The following TMEM245 variants were observed in gnomAD, a reference collection of about 807,000 sequenced individuals.
The protein encoded by TMEM245 is transmembrane protein 245.
TMEM245 carries 69 observed loss-of-function variants against 101.2 expected under a neutral mutation model. The observed-to-expected ratio is 0.68, with a 90% confidence interval of 0.56 to 0.83. The LOEUF (loss-of-function observed/expected upper bound fraction) is 0.83. TMEM245 is among the 40% of genes least tolerant of loss of function. TMEM245 has a pLI of 0.00. For missense variants in TMEM245, 1,075 were observed against 1,092.8 expected, an observed-to-expected ratio of 0.98 and a Z score of 0.23; for synonymous variants, 537 against 449.8, an observed-to-expected ratio of 1.19 and a Z score of -2.45.
intron 7 of TMEM245, among the ~76,000 whole-genome samples, chr9:109,083,613 A>ACTAACTGGCC (rs1829733424): frequency 6.6e-6 from 1 of 152,148 alleles, no homozygotes; most frequent in Admixed American, 6.5e-5. Context: ...AAACTTCTAC[A>ACTAACTGGCC]CTAACTGGCC....
At chr9:109,058,795 G>A (rs902007764) in intron 11 of TMEM245, among the ~76,000 whole-genome samples, 1 of 151,942 alleles carries the variant, frequency 6.6e-6, no homozygotes, top group African/African-American at 2.4e-5. Context: ...TTGTAGAGAT[G>A]GGGTCTCACT....
chr9:109,086,360 G>C (rs748748231), intron 6 of TMEM245, among the ~76,000 whole-genome samples: 1 of 152,084 alleles, frequency 6.6e-6, no homozygotes, highest in Non-Finnish European at 1.5e-5. Context: ...GTCTACCTAA[G>C]AAACTCCCGC....
intron 2 of TMEM245, 145 bp downstream of exon 2, chr9:109,108,308 A>G (rs963042940): frequency 4.2e-5 from 18 of 425,728 alleles, no homozygotes; most frequent in Middle Eastern, 1.1e-3. Flanking sequence ...ATTTAATGAA[A>G]GATTAAAGCA....
At chr9:109,082,539 A>G (rs1829697470) in intron 7 of TMEM245, among the ~76,000 whole-genome samples, 1 of 152,224 alleles carries the variant, frequency 6.6e-6, no homozygotes, top group African/African-American at 2.4e-5. Flanking sequence ...GCACGTGGTA[A>G]GCATTCAATT....
Position 109,094,418 on chromosome 9 carries a change from G to A in TMEM245, c.800-827C>T, listed in dbSNP as rs562492461. ...CTACCAAGCAGGTACACCTGTGCAG[G>A]ACTTGAGAGCCTGAAGTGGCACACT... On this transcript the variant is annotated intron_variant, in intron 3 of 17. Coordinates refer to ENST00000374586, the MANE Select transcript of TMEM245 (RefSeq NM_032012.4). Among the ~76,000 whole-genome samples, 4 of 152,346 alleles carry A rather than the reference G, an allele frequency of 2.6e-5. No individual in the cohort carries two copies. In the East Asian group the frequency reaches 5.8e-4, roughly 22 times the overall value.
At chr9:109,118,314 A>G (rs764118302) in intron 1 of TMEM245, among the ~76,000 whole-genome samples, 13 of 152,210 alleles carry the variant, frequency 8.5e-5, no homozygotes, top group Non-Finnish European at 1.8e-4. Context: ...GATAAGGGGA[A>G]TTAATATTTT....
At chr9:109,069,826 T>C (rs1246638535) in intron 9 of TMEM245, among the ~76,000 whole-genome samples, 1 of 152,236 alleles carries the variant, frequency 6.6e-6, no homozygotes, top group Non-Finnish European at 1.5e-5. Context: ...GAGCAGTCTA[T>C]ACCTGCTTTC....
At chr9:109,059,907 A>G (rs1159696632) in intron 11 of TMEM245, among the ~76,000 whole-genome samples, 1 of 147,388 alleles carries the variant, frequency 6.8e-6, no homozygotes, top group Non-Finnish European at 1.5e-5. Context: ...TCAAAGACAT[A>G]TGGAAAAAAA....
intron 17 of TMEM245, among the ~76,000 whole-genome samples, chr9:109,032,365 CTTTTTTTTTTTTTTTTTTTTTTTT>C (rs755399182): frequency 7.3e-4 from 30 of 40,980 alleles, no homozygotes; most frequent in African/African-American, 2.7e-3. Flanking sequence ...ATTTCTTTTC[CTTTTTTTTTTTTTTTTTTTTTTTT>C]TTTTTTTTTT....
intron 1 of TMEM245, among the ~76,000 whole-genome samples, chr9:109,112,058 G>A (rs1830580217): frequency 6.6e-6 from 1 of 152,156 alleles, no homozygotes; most frequent in African/African-American, 2.4e-5. Context: ...AGTTCAAGAG[G>A]TAAGGCCATT....
chr9:109,080,440 G>A (rs1338096681), intron 8 of TMEM245, among the ~76,000 whole-genome samples: 1 of 152,036 alleles, frequency 6.6e-6, no homozygotes, highest in African/African-American at 2.4e-5. Context: ...TATATCAGCA[G>A]AAGGATCAAT....
chr9:109,074,910 G>T (rs1264545761), intron 8 of TMEM245, among the ~76,000 whole-genome samples: 2 of 152,184 alleles, frequency 1.3e-5, no homozygotes, highest in Non-Finnish European at 2.9e-5. Flanking sequence ...ATCAACTCAG[G>T]TGCAATGCCT....
Position 109,090,923 on chromosome 9 carries a change from T to G in TMEM245, c.1149A>C (p.Ala383=). Residue 383 remains alanine, a splice_region_variant and synonymous_variant, in exon 5 of 18, where the codon GCA becomes GCC. Transcript: ENST00000374586. The part of the protein sequence containing the change: ...WIVQLLPVPI[A]VWILKKLVIH... ...GATCGTACTTAACCAGATAACGACC[T>G]GCAATCGGCACTGGCAGCAACTGCA... is the stretch of plus-strand genomic sequence containing the variant. The G allele has an allele frequency of 6.2e-7, 1 of 1,613,990 alleles. No homozygotes were observed. The highest frequency in any genetic ancestry group is 8.5e-7 in the Non-Finnish European group (1 of 1,179,872).
At chr9:109,027,680 T>C (rs562866661) in intron 17 of TMEM245, among the ~76,000 whole-genome samples, 7 of 151,428 alleles carry the variant, frequency 4.6e-5, no homozygotes, top group African/African-American at 1.5e-4. Flanking sequence ...GTCTCACTCT[T>C]TTTTTTTTGA....
intron 7 of TMEM245, among the ~76,000 whole-genome samples, chr9:109,082,566 A>T (rs1348320405): frequency 6.6e-6 from 1 of 152,230 alleles, no homozygotes; most frequent in Non-Finnish European, 1.5e-5. Context: ...TGTTTGAATA[A>T]GCAAGCATAA....
At chr9:109,111,855 T>C (rs1409929889) in intron 1 of TMEM245, among the ~76,000 whole-genome samples, 2 of 152,350 alleles carry the variant, frequency 1.3e-5, no homozygotes, top group East Asian at 3.9e-4. Context: ...ATATTATCTC[T>C]AGATGGCAGA....
chr9:109,034,635 C>T (rs757819860), intron 16 of TMEM245, among the ~76,000 whole-genome samples: 10 of 151,982 alleles, frequency 6.6e-5, no homozygotes, highest in Non-Finnish European at 1.3e-4. Context: ...TTGTGGAGAA[C>T]GGGTTTCACC....
chr9:109,089,199 T>C (rs1240284134), intron 5 of TMEM245, among the ~76,000 whole-genome samples: 1 of 151,150 alleles, frequency 6.6e-6, no homozygotes, highest in Non-Finnish European at 1.5e-5. Flanking sequence ...AGATCGAGGC[T>C]GTGGTGAATG....
chr9:109,119,006 G>A (rs528394016), intron 1 of TMEM245, among the ~76,000 whole-genome samples: 2 of 152,252 alleles, frequency 1.3e-5, no homozygotes, highest in South Asian at 2.1e-4. Context: ...CCAACCAGAA[G>A]TAAAACCAAG....
Sources: gnomAD v4.1 joint callset for allele counts (sites outside exome capture counted in the v4.1 genomes callset) on GRCh38, gnomAD v4.1.1 for gene constraint, MANE v1.5 for transcripts, NCBI Gene and HGNC (gene_info 2026-07-23, HGNC 2026-07-21) for gene names.